ABI3BP: variants seen among roughly 807,000 people sequenced by gnomAD.
The protein encoded by ABI3BP is target of Nesh-SH3.
In ABI3BP, 216 loss-of-function variants were observed where a neutral mutation model predicts 268.6. That is an observed-to-expected ratio of 0.80 (90% CI 0.72 to 0.90). The LOEUF is 0.90. Ranked by LOEUF, ABI3BP falls within the 40% of genes least tolerant of loss-of-function variation. ABI3BP has a pLI of 0.00. For synonymous variants in ABI3BP, 730 were observed against 730.0 expected, an observed-to-expected ratio of 1.00 and a Z score of 0.00; for missense variants, 2,090 against 2,182.4, an observed-to-expected ratio of 0.96 and a Z score of 0.84.
chr3:100,809,730 T>G (rs56051216), intron 49 of ABI3BP, among the ~76,000 whole-genome samples: 1 of 152,010 alleles, frequency 6.6e-6, no homozygotes, highest in Admixed American at 6.6e-5. Context: ...TTGGGCTTAT[T>G]TATAACCTTC....
At chr3:100,939,292 T>C (rs996881483) in intron 1 of ABI3BP, among the ~76,000 whole-genome samples, 1 of 152,148 alleles carries the variant, frequency 6.6e-6, no homozygotes, top group Non-Finnish European at 1.5e-5. Flanking sequence ...GGTTATGCAG[T>C]GAAAAACTCA....
At chr3:100,763,306 C>CA (rs1240306742) in intron 63 of ABI3BP, among the ~76,000 whole-genome samples, 3 of 151,456 alleles carry the variant, frequency 2.0e-5, no homozygotes, top group Admixed American at 6.6e-5. Context: ...ACTAAAAATA[C>CA]AAAAAAAGTA....
intron 33 of ABI3BP, among the ~76,000 whole-genome samples, chr3:100,829,006 C>G (rs117453175): frequency 6.6e-6 from 1 of 152,070 alleles, no homozygotes; most frequent in Non-Finnish European, 1.5e-5. Context: ...CACCTAGAAG[C>G]CTGACAGCCT....
At chr3:100,862,773 T>A (rs534992161) in intron 13 of ABI3BP, 65 bp downstream of exon 13, 1 of 1,113,956 alleles carries the variant, frequency 9.0e-7, no homozygotes, top group East Asian at 2.6e-5. Flanking sequence ...GCAGTAAATG[T>A]GTCCTGCAGA....
At chr3:100,812,550 T>C (rs893055079) in intron 45 of ABI3BP, 27 bp from the exon 46 acceptor site, 3 of 1,299,838 alleles carry the variant, frequency 2.3e-6, no homozygotes, top group East Asian at 2.9e-5. Context: ...AATGGTACAA[T>C]TGATAAAGGA....
At chr3:100,751,212 T>G (rs1324434026) in intron 67 of ABI3BP, among the ~76,000 whole-genome samples, 1 of 152,090 alleles carries the variant, frequency 6.6e-6, no homozygotes, top group African/African-American at 2.4e-5. Context: ...GTTAAAAAAT[T>G]TTTTTTCTTA....
At chr3:100,861,267 A>G (rs1186322155) in intron 14 of ABI3BP, among the ~76,000 whole-genome samples, 2 of 152,194 alleles carry the variant, frequency 1.3e-5, no homozygotes, top group Non-Finnish European at 2.9e-5. Context: ...TTTTGCAGAT[A>G]TCTGAGCCCA....
At chr3:100,866,268 A>G (rs1263286376) in intron 10 of ABI3BP, among the ~76,000 whole-genome samples, 1 of 152,226 alleles carries the variant, frequency 6.6e-6, no homozygotes, top group East Asian at 1.9e-4. Context: ...TAGCTCAAAG[A>G]TTAATGCCTC....
chr3:100,781,014 A>G (rs1421234282), intron 57 of ABI3BP, among the ~76,000 whole-genome samples: 4 of 152,208 alleles, frequency 2.6e-5, no homozygotes, highest in Admixed American at 2.0e-4. Context: ...ATAGAAACAG[A>G]CATTTTTAGA....
At chr3:100,844,576 T>C (rs2098746307) in intron 20 of ABI3BP, 1 of 387,234 alleles carries the variant, frequency 2.6e-6, no homozygotes, top group Non-Finnish European at 3.5e-6. Flanking sequence ...CTTCCAAACC[T>C]TGGCTAGAAA....
At position 100,754,708 on chromosome 3, in the gene ABI3BP, A is replaced by T. The variant is rs1325121710; in HGVS notation, c.4851-17T>A. On this transcript the variant is annotated splice_polypyrimidine_tract_variant and intron_variant, in intron 63 of 67. Coordinates refer to ENST00000471714, the MANE Select transcript of ABI3BP (RefSeq NM_001375547.2). ...AATTCATAACTGTTTAGGGGAAAAT[A>T]AAAAAATACTTGTAATACATTCTTG... The T allele has an allele frequency of 1.3e-6, 2 of 1,558,408 alleles. No individual in the cohort carries two copies.
chr3:100,841,204 T>TG (rs1298502919), intron 21 of ABI3BP, among the ~76,000 whole-genome samples: 2 of 124,690 alleles, frequency 1.6e-5, no homozygotes, highest in African/African-American at 3.0e-5. Context: ...CTTTTTTTTT[T>TG]TTTTTTTTTT....
At chr3:100,849,247 G>A (rs1279780987) in intron 17 of ABI3BP, among the ~76,000 whole-genome samples, 1 of 114,112 alleles carries the variant, frequency 8.8e-6, no homozygotes, top group East Asian at 2.2e-4. Flanking sequence ...TTTTTTTGGA[G>A]ACAGAGTCTC....
Position 100,818,583 on chromosome 3 carries a change from T to A in ABI3BP, c.3032-2A>T, listed in dbSNP as rs1185452415. 30 of 1,533,984 alleles carry A rather than the reference T, an allele frequency of 2.0e-5. No individual in the cohort carries two copies. Among genetic ancestry groups the A allele is most frequent in the Non-Finnish European group, 2.5e-5 (29 of 1,145,070 alleles). On this transcript the variant is annotated splice_acceptor_variant, in intron 40 of 67. Transcript: ENST00000471714. LOFTEE classifies it high-confidence loss of function. ...CAGGTTCAAGATCTGTAGAAGGAACTAATTAAAAGCAATGAAATAAACTTG... is the reference window on the plus strand; with the variant it reads ...CAGGTTCAAGATCTGTAGAAGGAACAAATTAAAAGCAATGAAATAAACTTG...
chr3:100,875,192 T>C (rs763515739), intron 8 of ABI3BP, among the ~76,000 whole-genome samples: 6 of 152,234 alleles, frequency 3.9e-5, no homozygotes, highest in Admixed American at 6.5e-5. Flanking sequence ...GCTTAAGATG[T>C]GTGGTGAACA....
intron 2 of ABI3BP, among the ~76,000 whole-genome samples, chr3:100,908,288 C>T (rs548552389): frequency 1.3e-5 from 2 of 152,206 alleles, no homozygotes; most frequent in South Asian, 4.2e-4. Context: ...ACTAAACATG[C>T]CAGACCCTTG....
intron 33 of ABI3BP, among the ~76,000 whole-genome samples, 180 bp downstream of exon 33, chr3:100,829,401 T>C (rs567684819): frequency 6.6e-6 from 1 of 152,226 alleles, no homozygotes; most frequent in South Asian, 2.1e-4. Context: ...GAGAAGTAAA[T>C]TAAATAGATG....
intron 1 of ABI3BP, among the ~76,000 whole-genome samples, chr3:100,966,526 G>T (rs962416688): frequency 2.0e-5 from 3 of 152,154 alleles, no homozygotes; most frequent in Non-Finnish European, 4.4e-5. Flanking sequence ...ACCCCTGCTT[G>T]AAAGTAAAAT....
intron 2 of ABI3BP, among the ~76,000 whole-genome samples, chr3:100,906,335 G>C (rs1466472387): frequency 4.6e-5 from 7 of 152,160 alleles, no homozygotes; most frequent in Non-Finnish European, 2.9e-5. Flanking sequence ...TTACAAATTG[G>C]AACAAATGTC....
Sources: gnomAD v4.1 joint callset for allele counts (sites outside exome capture counted in the v4.1 genomes callset) on GRCh38, gnomAD v4.1.1 for gene constraint, MANE v1.5 for transcripts, NCBI Gene and HGNC (gene_info 2026-07-23, HGNC 2026-07-21) for gene names.